The following TMTC1 variants were observed in gnomAD, a reference collection of about 807,000 sequenced individuals.
TMTC1 encodes protein O-mannosyl-transferase TMTC1.
In TMTC1, 73 loss-of-function variants were observed where a neutral mutation model predicts 104.8. The observed-to-expected ratio is 0.70, with a 90% CI of 0.58 to 0.85. The LOEUF (loss-of-function observed/expected upper bound fraction) is 0.85, where lower values mean the gene tolerates loss of function less well. Among genes scored for constraint, TMTC1 ranks in the 40% least tolerant of loss-of-function variants. The pLI, the probability that TMTC1 is intolerant of heterozygous loss-of-function variation, is 0.00. For missense variants in TMTC1, 1,035 were observed against 1,096.1 expected, an observed-to-expected ratio of 0.94 and a Z score of 0.79; for synonymous variants, 434 against 428.7, an observed-to-expected ratio of 1.01 and a Z score of -0.15.
At chr12:29,765,838 T>G (rs893836434) in intron 2 of TMTC1, among the ~76,000 whole-genome samples, 5 of 152,212 alleles carry the variant, frequency 3.3e-5, no homozygotes, top group Non-Finnish European at 7.3e-5. Context: ...AAAATGGAAG[T>G]AGACCTGTTA....
At chr12:29,631,014 C>G (rs533975108) in intron 6 of TMTC1, among the ~76,000 whole-genome samples, 1 of 152,278 alleles carries the variant, frequency 6.6e-6, no homozygotes, top group East Asian at 1.9e-4. Context: ...ACTAATGATG[C>G]TGAGCATCTT....
At chr12:29,764,578 C>T (rs973324934) in intron 2 of TMTC1, among the ~76,000 whole-genome samples, 2 of 152,152 alleles carry the variant, frequency 1.3e-5, no homozygotes, top group African/African-American at 4.8e-5. Context: ...TCTCTGTCCT[C>T]CTCCTACTTA....
intron 6 of TMTC1, among the ~76,000 whole-genome samples, chr12:29,609,602 T>C (rs1421882430): frequency 6.6e-6 from 1 of 152,240 alleles, no homozygotes; most frequent in Non-Finnish European, 1.5e-5. Context: ...CTACTGAGGC[T>C]ATCAAAGTTG....
At chr12:29,759,043 T>G (rs1943281461) in intron 2 of TMTC1, among the ~76,000 whole-genome samples, 1 of 152,190 alleles carries the variant, frequency 6.6e-6, no homozygotes, top group African/African-American at 2.4e-5. Context: ...AGAGCGTCAA[T>G]TCACGGCATC....
chr12:29,612,735 C>T (rs553852914), intron 6 of TMTC1, among the ~76,000 whole-genome samples: 4 of 152,216 alleles, frequency 2.6e-5, no homozygotes, highest in South Asian at 4.1e-4. Flanking sequence ...ATCTTGACAC[C>T]CATCCTCTGA....
At chr12:29,659,683 T>C (rs1939924156) in intron 5 of TMTC1, among the ~76,000 whole-genome samples, 3 of 152,154 alleles carry the variant, frequency 2.0e-5, no homozygotes. Context: ...AATAAACAAA[T>C]ATACACCAAA....
intron 5 of TMTC1, among the ~76,000 whole-genome samples, chr12:29,678,442 C>T (rs1940804784): frequency 6.6e-6 from 1 of 152,132 alleles, no homozygotes; most frequent in African/African-American, 2.4e-5. Context: ...AACATTTAAA[C>T]ACCCAAACAT....
chr12:29,747,801 A>G lies in TMTC1; in HGVS notation c.938+3865T>C, dbSNP rs537243800. Among the ~76,000 whole-genome samples the G allele has an allele frequency of 4.8e-4, 73 of 152,314 alleles. 1 individual carries two copies. The South Asian group carries it at 0.015, about 32-fold the overall frequency. ...CCAATTACATGCTTATACATGTACA[A>G]ATGCTTTTAGTCCTGACAACCAGCA... On this transcript the variant is annotated intron_variant, in intron 5 of 17. Transcript: ENST00000539277.
At chr12:29,534,256 T>C (rs933208675) in intron 11 of TMTC1, 3 of 152,232 alleles carry the variant, frequency 2.0e-5, no homozygotes, top group Non-Finnish European at 4.4e-5. Flanking sequence ...GAAGATAGGA[T>C]GTTGAAAGTC....
chr12:29,767,746 T>A, intron 2 of TMTC1, 152 bp downstream of exon 2: 1 of 602,238 alleles, frequency 1.7e-6, no homozygotes, highest in Non-Finnish European at 2.6e-6. Context: ...GGAAAAAAGA[T>A]CAGCTTAGTT....
intron 9 of TMTC1, among the ~76,000 whole-genome samples, chr12:29,557,599 G>A (rs112133341): frequency 0.13 from 19,304 of 152,114 alleles, 1,514 homozygotes; most frequent in African/African-American, 0.22. Flanking sequence ...ACAGGCGTCC[G>A]CCACCACGCC....
At chr12:29,621,242 T>C (rs1937656483) in intron 6 of TMTC1, among the ~76,000 whole-genome samples, 2 of 152,228 alleles carry the variant, frequency 1.3e-5, no homozygotes, top group Admixed American at 1.3e-4. Flanking sequence ...TATTAAAACA[T>C]GATGCTTATT....
intron 2 of TMTC1, among the ~76,000 whole-genome samples, chr12:29,765,170 A>C (rs940849173): frequency 2.0e-5 from 3 of 152,212 alleles, no homozygotes; most frequent in African/African-American, 7.2e-5. Context: ...ATCCAAAAAG[A>C]ACATTAAAAA....
At chr12:29,685,445 T>C (rs1187794096) in intron 5 of TMTC1, among the ~76,000 whole-genome samples, 2 of 151,440 alleles carry the variant, frequency 1.3e-5, no homozygotes, top group African/African-American at 4.8e-5. Context: ...AAAATTGTAG[T>C]GCTTAAAAGA....
At chr12:29,749,324 G>A (rs557488953) in intron 5 of TMTC1, among the ~76,000 whole-genome samples, 1 of 152,156 alleles carries the variant, frequency 6.6e-6, no homozygotes, top group African/African-American at 2.4e-5. Context: ...TATTGAAAAT[G>A]TTCCATCTAT....
chr12:29,571,024 C>A (rs1341312117), intron 9 of TMTC1, among the ~76,000 whole-genome samples: 1 of 152,042 alleles, frequency 6.6e-6, no homozygotes, highest in Non-Finnish European at 1.5e-5. Context: ...AACAATGACA[C>A]TATCAAAATA....
intron 5 of TMTC1, among the ~76,000 whole-genome samples, chr12:29,744,121 T>C (rs538188922): frequency 2.0e-5 from 3 of 152,344 alleles, no homozygotes; most frequent in South Asian, 4.1e-4. Flanking sequence ...CATATGTCCC[T>C]GTGCATCCAG....
At chr12:29,543,323 G>C (rs73069592) in intron 10 of TMTC1, among the ~76,000 whole-genome samples, 18,607 of 152,248 alleles carry the variant, frequency 0.12, 1,443 homozygotes, top group African/African-American at 0.22. Flanking sequence ...TAAGTACTGG[G>C]TAAGTTTGTC....
chr12:29,626,910 G>C (rs900963724), intron 6 of TMTC1, among the ~76,000 whole-genome samples: 1 of 152,076 alleles, frequency 6.6e-6, no homozygotes, highest in Admixed American at 6.6e-5. Context: ...AGACCAGCCT[G>C]GCCAACACAG....
Sources: allele counts gnomAD v4.1 joint callset (sites outside exome capture counted in the v4.1 genomes callset), GRCh38; gene constraint gnomAD v4.1.1; transcripts MANE v1.5; gene names NCBI Gene and HGNC (gene_info 2026-07-23, HGNC 2026-07-21).